MTSS2: variants seen among roughly 807,000 people sequenced by gnomAD.
MTSS2 encodes MTSS I-BAR domain containing 2.
Under a neutral mutation model 67.1 loss-of-function variants are expected in MTSS2, and 27 were observed. The observed-to-expected ratio is 0.40, with a 90% CI of 0.30 to 0.55. The LOEUF is 0.55. Among genes scored for constraint, MTSS2 ranks in the 20% least tolerant of loss-of-function variants. The probability of loss-of-function intolerance (pLI) is 0.43; values close to 1 mark genes in which losing one functional copy is unlikely to be tolerated. For missense variants in MTSS2, 1,171 were observed against 1,067.8 expected (o/e 1.10, Z -1.35); for synonymous variants, 624 against 468.6 (o/e 1.33, Z -4.28).
At chr16:70,672,176 C>T (rs1279963873) in intron 11 of MTSS2, among the ~76,000 whole-genome samples, 4 of 151,946 alleles carry the variant, frequency 2.6e-5, no homozygotes, top group Admixed American at 1.3e-4. Flanking sequence ...GGTGAAACCC[C>T]GTCTCTGCTA....
intron 5 of MTSS2, 31 bp from the exon 6 acceptor site, chr16:70,679,735 G>T: frequency 6.2e-7 from 1 of 1,610,462 alleles, no homozygotes; most frequent in East Asian, 2.2e-5. Context: ...GCGCTCTAAT[G>T]GGGTCCCTGC....
At chr16:70,678,534 G>A in intron 7 of MTSS2, 125 bp from the exon 8 acceptor site, 1 of 1,172,222 alleles carries the variant, frequency 8.5e-7, no homozygotes, top group African/African-American at 1.5e-5. Context: ...CTGGGGCCAG[G>A]GGACTGCGGA....
intron 9 of MTSS2, 114 bp downstream of exon 9, chr16:70,677,678 C>T: frequency 1.3e-6 from 1 of 792,460 alleles, no homozygotes; most frequent in Non-Finnish European, 2.0e-6. Context: ...GGTCTTATGC[C>T]CCTAGCTGCC....
At position 70,668,124 on chromosome 16, in the gene MTSS2, A is replaced by G. The variant is rs1012870350; in HGVS notation, c.1054-2584T>C. 2.6e-5 allele frequency among the ~76,000 whole-genome samples: 4 copies of G among 152,126 alleles called. No homozygotes were observed. The South Asian group carries it at 6.2e-4, about 24-fold the overall frequency. On this transcript the variant is annotated intron_variant, in intron 11 of 14. Transcript: ENST00000338779. Reference sequence around the variant, plus strand: ...ATGACCAGATATCAAGATTTTCTATAAAGTCTGGCTGGGTGCAGTGGCTAA... The same window carrying G: ...ATGACCAGATATCAAGATTTTCTATGAAGTCTGGCTGGGTGCAGTGGCTAA...
chr16:70,685,745 T>C lies in MTSS2; in HGVS notation c.47A>G (p.Gln16Arg). ...TACCTTCATGTCGTTGACTATGGCC[T>C]GGAAGAGCCCGCCCAGGGCGCCGCA... ...KECGALGGLF[Q>R]AIVNDMKSSY... The change falls in exon 1 of 15, where the codon CAG becomes CGG. Residue 16 changes from glutamine to arginine, a missense_variant. This residue lies in a region of MTSS2 where 247 missense variants were observed against 311.8 expected (regional missense o/e 0.79). Coordinates refer to ENST00000338779, the MANE Select transcript of MTSS2 (RefSeq NM_138383.3). 1.4e-6 allele frequency: 2 copies of C among 1,387,120 alleles called. No individual in the cohort carries two copies. Among genetic ancestry groups the C allele is most frequent in the Non-Finnish European group, 1.9e-6 (2 of 1,050,058 alleles). 85.9% of individuals were successfully genotyped at this position (1,387,120 alleles called of 1,614,324 possible).
chr16:70,668,855 A>C (rs12597717), intron 11 of MTSS2, among the ~76,000 whole-genome samples: 2 of 151,948 alleles, frequency 1.3e-5, no homozygotes, highest in African/African-American at 4.8e-5. Context: ...AGCCTCCAGA[A>C]CTGTGAGCGC....
rs778898243 is a variant in MTSS2, at chr16:70,664,013, C to T, written c.1908G>A (p.Lys636=). 8.1e-6 allele frequency: 13 copies of T among 1,603,818 alleles called. No homozygotes were observed. Among genetic ancestry groups the T allele is most frequent in the Non-Finnish European group, 1.1e-5 (13 of 1,176,232 alleles). ...LAPDLAKASP[K]RLSLPNTAWG... ...AGGCTGTGTTGGGCAGGCTGAGCCT[C>T]TTTGGGGAGGCCTTGGCGAGGTCCG... Residue 636 remains lysine (K), a synonymous_variant, in exon 15 of 15, where the codon AAG becomes AAA. Transcript: ENST00000338779.
At chr16:70,677,108 C>T (rs1366706894) in intron 9 of MTSS2, 130 bp from the exon 10 acceptor site, 8 of 676,034 alleles carry the variant, frequency 1.2e-5, no homozygotes, top group Non-Finnish European at 2.0e-5. Context: ...GCCCCCTCCC[C>T]CAGGCTCCTC....
intron 4 of MTSS2, 44 bp downstream of exon 4, chr16:70,679,927 G>GGGCCCCCCCCCC: frequency 6.7e-7 from 1 of 1,491,358 alleles, no homozygotes; most frequent in Non-Finnish European, 9.0e-7. Context: ...CCCCCGCGAC[G>GGGCCCCCCCCCC]CCCCGTCCCC....
At chr16:70,676,459 C>T (rs943158018) in intron 10 of MTSS2, among the ~76,000 whole-genome samples, 2 of 152,248 alleles carry the variant, frequency 1.3e-5, no homozygotes, top group African/African-American at 4.8e-5. Flanking sequence ...TGATCTTTGA[C>T]TCTTACTATG....
chr16:70,666,623 G>C (rs1032059174), intron 11 of MTSS2, among the ~76,000 whole-genome samples: 2 of 152,252 alleles, frequency 1.3e-5, no homozygotes, highest in African/African-American at 4.8e-5. Context: ...CTGCAGATTC[G>C]AATGAACCAA....
chr16:70,663,545 C>A lies in MTSS2; in HGVS notation c.*132G>T. The A allele has an allele frequency of 7.1e-7, 1 of 1,406,110 alleles. No homozygotes were observed. The highest frequency in any genetic ancestry group is 3.0e-5 in the Admixed American group (1 of 32,946). 87.1% of individuals were successfully genotyped at this position (1,406,110 alleles called of 1,614,324 possible). On this transcript the variant is annotated 3_prime_UTR_variant, in exon 15 of 15. Coordinates refer to ENST00000338779, the MANE Select transcript of MTSS2 (RefSeq NM_138383.3). The stretch of plus-strand genomic sequence containing the variant: ...GCTGGAATCCAAGTGAGGTGTCTTT[C>A]CATAAAGTGGCATGGCCTCTGCCCT...
rs561076506 is a variant in MTSS2, at chr16:70,677,049, C to A, written c.733-71G>T. ...GCTAGTAGGGCCAGAGGCCCCCCCC[C>A]ACTCTCTAATTGTGAACCACATCCC... On this transcript the variant is annotated intron_variant, in intron 9 of 14. Coordinates refer to ENST00000338779, the MANE Select transcript of MTSS2 (RefSeq NM_138383.3). 41 of 1,186,088 alleles carry A rather than the reference C, an allele frequency of 3.5e-5. 1 individual carries two copies. The highest frequency in any genetic ancestry group is 2.0e-4 in the Middle Eastern group (1 of 5,090). The allele number at this position is 1,186,088 out of a possible 1,614,324, so 73.5% of individuals were successfully genotyped here. A position where few individuals can be genotyped will look rare whatever the true frequency, so the allele number is the denominator to read the frequency against.
chr16:70,680,918 G>GGGCGGCCCCCC, intron 2 of MTSS2, 46 bp downstream of exon 2: 1 of 1,097,926 alleles, frequency 9.1e-7, no homozygotes, highest in Non-Finnish European at 1.3e-6. Context: ...CGGGGGGGGG[G>GGGCGGCCCCCC]CCTCTGCCTG....
Position 70,680,039 on chromosome 16 carries a change from G to A in MTSS2, c.222C>T (p.Ile74=). 6.5e-7 allele frequency: 1 copy of A among 1,535,124 alleles called. No individual in the cohort carries two copies. The highest frequency in any genetic ancestry group is 1.4e-5 in the African/African-American group (1 of 70,760). Residue 74 remains isoleucine, a synonymous_variant, in exon 4 of 15, where the codon ATC becomes ATT. Coordinates refer to ENST00000338779, the MANE Select transcript of MTSS2 (RefSeq NM_138383.3). ...TGCACATGCGTGTGAGCGCCGAGCCGATGTCCCTCGTGGCCCCTGGCGAGG... is the reference window on the plus strand; with the variant it reads ...TGCACATGCGTGTGAGCGCCGAGCCAATGTCCCTCGTGGCCCCTGGCGAGG... ...ATNTRGATRD[I]GSALTRMCMR...
intron 7 of MTSS2, among the ~76,000 whole-genome samples, chr16:70,678,773 G>A (rs1412958246): frequency 2.0e-5 from 3 of 152,212 alleles, no homozygotes; most frequent in African/African-American, 7.2e-5. Flanking sequence ...ACAAGGTCCA[G>A]GGAGGTGGGG....
Position 70,666,601 on chromosome 16 carries a change from T to G in MTSS2, c.1054-1061A>C, listed in dbSNP as rs193285272. Among the ~76,000 whole-genome samples the G allele has an allele frequency of 4.9e-4, 74 of 152,156 alleles. No homozygotes were observed. The Middle Eastern group carries it at 0.037, about 77-fold the overall frequency. On this transcript the variant is annotated intron_variant, in intron 11 of 14. Coordinates refer to ENST00000338779, the MANE Select transcript of MTSS2 (RefSeq NM_138383.3). The stretch of plus-strand genomic sequence containing the variant: ...CTCTCTGAATCATTCTGGATTTAGA[T>G]CCCCAGATTTCCTGCAGATTCGAAT...
chr16:70,675,652 G>A (rs775479500), intron 10 of MTSS2, among the ~76,000 whole-genome samples: 3 of 152,292 alleles, frequency 2.0e-5, no homozygotes, highest in Non-Finnish European at 2.9e-5. Context: ...TCCTGACCTC[G>A]TGATCCGCCT....
intron 3 of MTSS2, among the ~76,000 whole-genome samples, 188 bp from the exon 4 acceptor site, chr16:70,680,243 C>T (rs559406631): frequency 9.5e-4 from 144 of 152,170 alleles, no homozygotes; most frequent in African/African-American, 2.9e-3. Context: ...CTTCCTCCGC[C>T]ATCCCAGCCG....
Sources: allele counts gnomAD v4.1 joint callset (sites outside exome capture counted in the v4.1 genomes callset), GRCh38; gene constraint gnomAD v4.1.1; regional missense constraint gnomAD v4.1.1; transcripts MANE v1.5; gene names NCBI Gene and HGNC (gene_info 2026-07-23, HGNC 2026-07-21).